C10orf143: variants seen among roughly 807,000 people sequenced by gnomAD.
C10orf143 encodes chromosome 10 open reading frame 143.
At chr10:130,071,742 C>T (rs927219591) in intron 3 of C10orf143, among the ~76,000 whole-genome samples, 1 of 152,170 alleles carries the variant, frequency 6.6e-6, no homozygotes, top group Non-Finnish European at 1.5e-5. Flanking sequence ...ATTCTCCTGC[C>T]TCAGCCTCCC....
intron 3 of C10orf143, among the ~76,000 whole-genome samples, chr10:130,053,515 C>T (rs1328026666): frequency 2.0e-5 from 3 of 152,196 alleles, no homozygotes; most frequent in Non-Finnish European, 2.9e-5. Context: ...TTGCCTCTAC[C>T]TCTGTGATGG....
At chr10:130,075,773 C>T (rs1861105723) in intron 3 of C10orf143, among the ~76,000 whole-genome samples, 1 of 151,852 alleles carries the variant, frequency 6.6e-6, no homozygotes, top group Non-Finnish European at 1.5e-5. Context: ...GTGCATAGCA[C>T]TTCCCCTCTG....
chr10:130,108,975 GAGC>G (rs1209424686), intron 1 of C10orf143, among the ~76,000 whole-genome samples: 2 of 152,100 alleles, frequency 1.3e-5, no homozygotes, highest in Non-Finnish European at 2.9e-5. Flanking sequence ...TTCTCTCAAG[GAGC>G]AGCAGTACTG....
intron 3 of C10orf143, among the ~76,000 whole-genome samples, chr10:130,071,467 CAT>C (rs1379714191): frequency 6.6e-6 from 1 of 152,202 alleles, no homozygotes; most frequent in Non-Finnish European, 1.5e-5. Context: ...ACTGCCAGGT[CAT>C]ATACTTTGCC....
rs149113932 is a variant in C10orf143 at position 130,071,065 on chromosome 10, G to A, written c.298-6682C>T. On this transcript the variant is annotated intron_variant, in intron 3 of 3. Coordinates refer to ENST00000637128, the MANE Select transcript of C10orf143 (RefSeq NM_001355042.2). ...TGAGTAGCTGGGACTACAGGCATGCGCCACCATGCCTAGCTAATGTTTTTT... is the reference window on the plus strand; with the variant it reads ...TGAGTAGCTGGGACTACAGGCATGCACCACCATGCCTAGCTAATGTTTTTT... Among the ~76,000 whole-genome samples, 508 of 151,950 alleles carry A rather than the reference G, an allele frequency of 3.3e-3. 6 individuals are homozygous for A. The highest frequency in any genetic ancestry group is 0.012 in the African/African-American group (482 of 41,456).
At chr10:130,076,213 T>C (rs188698219) in intron 3 of C10orf143, among the ~76,000 whole-genome samples, 5 of 151,822 alleles carry the variant, frequency 3.3e-5, no homozygotes, top group Admixed American at 3.3e-4. Context: ...GAGGAGGAGG[T>C]GGACCTCGCA....
chr10:130,103,654 T>C (rs1861594904), intron 1 of C10orf143, among the ~76,000 whole-genome samples: 1 of 150,608 alleles, frequency 6.6e-6, no homozygotes, highest in Admixed American at 6.6e-5. Flanking sequence ...AAAAAAGTTT[T>C]AAAAAATTAG....
At chr10:130,072,290 A>T (rs1861045879) in intron 3 of C10orf143, among the ~76,000 whole-genome samples, 1 of 152,230 alleles carries the variant, frequency 6.6e-6, no homozygotes, top group Non-Finnish European at 1.5e-5. Context: ...TTGTTTGACC[A>T]CATATGCCTT....
At chr10:130,088,704 T>G (rs931979424) in intron 1 of C10orf143, among the ~76,000 whole-genome samples, 5 of 152,330 alleles carry the variant, frequency 3.3e-5, no homozygotes, top group African/African-American at 1.2e-4. Context: ...CCCATTGGTC[T>G]GAACACAGAA....
chr10:130,061,917 T>C (rs1192588180), downstream of C10orf143, among the ~76,000 whole-genome samples: 2 of 151,052 alleles, frequency 1.3e-5, no homozygotes, highest in Non-Finnish European at 2.9e-5. Flanking sequence ...TGGCCAGGGA[T>C]GACTCTGGAG....
chr10:130,098,803 T>C (rs1022636888), intron 1 of C10orf143, among the ~76,000 whole-genome samples: 2 of 152,074 alleles, frequency 1.3e-5, no homozygotes, highest in Non-Finnish European at 2.9e-5. Flanking sequence ...TCAGAAATGA[T>C]TGGCTGGGCG....
chr10:130,082,161 T>G (rs1351163259), intron 1 of C10orf143, among the ~76,000 whole-genome samples: 1 of 152,080 alleles, frequency 6.6e-6, no homozygotes, highest in East Asian at 1.9e-4. Flanking sequence ...GATGGACTTT[T>G]TATACATACA....
At chr10:130,052,691 A>C (rs1176284026) in intron 3 of C10orf143, among the ~76,000 whole-genome samples, 1 of 152,240 alleles carries the variant, frequency 6.6e-6, no homozygotes, top group African/African-American at 2.4e-5. Flanking sequence ...TTTTAATAAA[A>C]GTACAGGATT....
intron 3 of C10orf143, among the ~76,000 whole-genome samples, chr10:130,046,368 T>G (rs570406737): frequency 6.6e-6 from 1 of 152,098 alleles, no homozygotes; most frequent in African/African-American, 2.4e-5. Flanking sequence ...CCCCGGGACC[T>G]GCTCCAGAAG....
In C10orf143 at chr10:130,065,401, G is replaced by T. The variant is rs1245053732; in HGVS notation, c.298-1018C>A. 2.0e-5 allele frequency: 3 copies of T among 152,276 alleles called. No homozygotes were observed. Among genetic ancestry groups the T allele is most frequent in the East Asian group, 1.9e-4 (1 of 5,162 alleles). The allele number at this position is 152,276 out of a possible 1,614,324, so 9.4% of individuals were successfully genotyped here. Reference sequence around the variant, plus strand: ...TCGGGTGGGCCACGAAGGAGCAAGAGAATCTTTGGAGGTGGGAAGGTATAC... The same window carrying T: ...TCGGGTGGGCCACGAAGGAGCAAGATAATCTTTGGAGGTGGGAAGGTATAC... On this transcript the variant is annotated intron_variant, in intron 3 of 3. Transcript: ENST00000637128. This position sits in a 1 kb window ranked among gnomAD's most constrained non-coding sequence, Gnocchi z 4.2.
chr10:130,087,259 G>C (rs1044891698), intron 1 of C10orf143, among the ~76,000 whole-genome samples: 2 of 152,222 alleles, frequency 1.3e-5, no homozygotes, highest in Non-Finnish European at 2.9e-5. Flanking sequence ...ATCTGGGGCT[G>C]CTTACGTTGA....
intron 1 of C10orf143, chr10:130,106,841 A>T: frequency 2.6e-6 from 3 of 1,156,776 alleles, no homozygotes; most frequent in Non-Finnish European, 3.9e-6. Flanking sequence ...TCACATCAAG[A>T]CTCTGACTGA....
chr10:130,080,885 G>A (rs907628854), intron 1 of C10orf143, among the ~76,000 whole-genome samples: 2 of 151,940 alleles, frequency 1.3e-5, no homozygotes, highest in African/African-American at 4.8e-5. Flanking sequence ...AGGAAGAGAG[G>A]AGAATTCTCA....
intron 3 of C10orf143, among the ~76,000 whole-genome samples, chr10:130,078,327 T>A (rs1861153296): frequency 6.6e-6 from 1 of 151,978 alleles, no homozygotes; most frequent in Admixed American, 6.6e-5. Flanking sequence ...TCCATGGAAA[T>A]GGGGTGGGGA....
Sources: allele counts gnomAD v4.1 joint callset (sites outside exome capture counted in the v4.1 genomes callset), GRCh38; gene constraint gnomAD v4.1.1; non-coding constraint Gnocchi (gnomAD v3.1); transcripts MANE v1.5; gene names NCBI Gene and HGNC (gene_info 2026-07-23, HGNC 2026-07-21).